The following MGAT4A variants were observed in gnomAD, a reference collection of about 807,000 sequenced individuals.
MGAT4A encodes the protein alpha-1,3-mannosyl-glycoprotein 4-beta-N-acetylglucosaminyltransferase A.
A neutral mutation model predicts 74.1 loss-of-function variants in MGAT4A; 33 were observed. The ratio of observed to expected loss-of-function variants is 0.45; its 90% CI spans 0.34 to 0.60. The LOEUF (loss-of-function observed/expected upper bound fraction) is 0.60. Among genes scored for constraint, MGAT4A ranks in the 20% least tolerant of loss-of-function variants. The pLI is 0.02. For missense variants in MGAT4A, 479 were observed against 628.3 expected (o/e 0.76, Z 2.54); for synonymous variants, 198 against 210.4 (o/e 0.94, Z 0.51).
At chr2:98,627,130 G>C (rs1224398399) in intron 14 of MGAT4A, among the ~76,000 whole-genome samples, 1 of 152,196 alleles carries the variant, frequency 6.6e-6, no homozygotes, top group Non-Finnish European at 1.5e-5. Flanking sequence ...CCACTGCTGG[G>C]ACTATAGTTT....
chr2:98,721,907 A>T (rs1483058547), intron 2 of MGAT4A, among the ~76,000 whole-genome samples: 1 of 152,254 alleles, frequency 6.6e-6, no homozygotes, highest in African/African-American at 2.4e-5. Flanking sequence ...TATTAGTAAT[A>T]GCATTAAGTA....
At chr2:98,661,346 A>G (rs1332402689) in intron 5 of MGAT4A, among the ~76,000 whole-genome samples, 1 of 152,240 alleles carries the variant, frequency 6.6e-6, no homozygotes, top group African/African-American at 2.4e-5. Flanking sequence ...CACTGTATCC[A>G]TATTATCAAG....
intron 2 of MGAT4A, among the ~76,000 whole-genome samples, chr2:98,696,045 C>T (rs553350483): frequency 5.2e-4 from 79 of 151,974 alleles, no homozygotes; most frequent in African/African-American, 1.8e-3. Flanking sequence ...CCATGCCTGC[C>T]TAATTTTTCT....
At chr2:98,716,929 C>A (rs189113713) in intron 2 of MGAT4A, among the ~76,000 whole-genome samples, 1 of 152,238 alleles carries the variant, frequency 6.6e-6, no homozygotes, top group Admixed American at 6.5e-5. Context: ...TGTATATGTT[C>A]AGTACAGACA....
chr2:98,685,309 C>T (rs1363595614), intron 2 of MGAT4A, among the ~76,000 whole-genome samples: 1 of 151,392 alleles, frequency 6.6e-6, no homozygotes, highest in African/African-American at 2.4e-5. Flanking sequence ...CAATTCTTTC[C>T]ACAGATAAAT....
intron 2 of MGAT4A, among the ~76,000 whole-genome samples, chr2:98,705,972 GAAA>G (rs1702423721): frequency 7.6e-6 from 1 of 132,160 alleles, no homozygotes; most frequent in Non-Finnish European, 1.6e-5. Flanking sequence ...AAAAAAAAAA[GAAA>G]ATCAACTAAC....
chr2:98,703,107 T>G (rs559631359), intron 2 of MGAT4A, among the ~76,000 whole-genome samples: 1 of 152,292 alleles, frequency 6.6e-6, no homozygotes, highest in African/African-American at 2.4e-5. Flanking sequence ...TCGAAACAGT[T>G]ACTATAAATA....
At chr2:98,691,806 G>A (rs936106683) in intron 2 of MGAT4A, among the ~76,000 whole-genome samples, 1 of 152,282 alleles carries the variant, frequency 6.6e-6, no homozygotes, top group South Asian at 2.1e-4. Context: ...GTGTGTTACC[G>A]CCCCTGAAGG....
At chr2:98,726,821 G>A (rs1702772084) in intron 1 of MGAT4A, 1 of 153,078 alleles carries the variant, frequency 6.5e-6, no homozygotes, top group South Asian at 2.1e-4. Flanking sequence ...GAAAGTTATG[G>A]TGACTGATTT....
intron 2 of MGAT4A, among the ~76,000 whole-genome samples, chr2:98,702,834 G>A (rs906941832): frequency 2.0e-5 from 3 of 152,286 alleles, no homozygotes; most frequent in African/African-American, 7.2e-5. Context: ...AGATACAGCC[G>A]GAGAGACAGA....
intron 2 of MGAT4A, among the ~76,000 whole-genome samples, chr2:98,693,469 T>C (rs1349770824): frequency 1.3e-5 from 2 of 152,180 alleles, no homozygotes; most frequent in African/African-American, 4.8e-5. Flanking sequence ...TTGTCTGATG[T>C]GGTTCTCAAT....
intron 4 of MGAT4A, among the ~76,000 whole-genome samples, chr2:98,664,200 C>CAAAAAAAAAAAAAAAAA (rs57981145): frequency 1.9e-5 from 1 of 51,444 alleles, no homozygotes; most frequent in Non-Finnish European, 3.6e-5. Context: ...GATTCCATCT[C>CAAAAAAAAAAAAAAAAA]AAAAAAAAAA....
intron 7 of MGAT4A, chr2:98,655,821 A>G (rs1049036955): frequency 3.2e-5 from 7 of 217,868 alleles, no homozygotes; most frequent in South Asian, 3.0e-4. Flanking sequence ...ATATTAATTC[A>G]TAAGAGGCAC....
chr2:98,730,969 A>C (rs1702846509), intron 1 of MGAT4A, 79 bp downstream of exon 1: 12 of 133,112 alleles, frequency 9.0e-5, no homozygotes, highest in East Asian at 4.5e-4. Flanking sequence ...CGCCGCCCCC[A>C]ACTCCCGCGC....
In MGAT4A at chr2:98,656,576, G is replaced by A. The variant is rs1163467711; in HGVS notation, c.585-111C>T. 37 of 675,416 alleles carry A rather than the reference G, an allele frequency of 5.5e-5. No individual in the cohort carries two copies. In the East Asian group the frequency reaches 6.9e-4, roughly 13 times the overall value. The allele number at this position is 675,416 out of a possible 1,614,324, so 41.8% of individuals were successfully genotyped here. On this transcript the variant is annotated intron_variant, in intron 6 of 15. Coordinates refer to ENST00000393487, the MANE Select transcript of MGAT4A (RefSeq NM_012214.3). ...CACATCAGTAATCATTTGTAGCAAC[G>A]TATAATGTTATGGCCGCAAGGTGTT...
intron 12 of MGAT4A, among the ~76,000 whole-genome samples, chr2:98,638,781 T>C (rs1402766391): frequency 3.3e-5 from 5 of 152,256 alleles, no homozygotes; most frequent in African/African-American, 4.8e-5. Flanking sequence ...ATTAGTAACA[T>C]TGTATCACAG....
At chr2:98,721,180 G>A (rs1000158733) in intron 2 of MGAT4A, among the ~76,000 whole-genome samples, 8 of 152,180 alleles carry the variant, frequency 5.3e-5, no homozygotes, top group African/African-American at 1.7e-4. Context: ...AGAATCCTAT[G>A]TCCAGAAAAG....
chr2:98,691,004 G>T (rs534347612), intron 2 of MGAT4A, among the ~76,000 whole-genome samples: 8 of 152,072 alleles, frequency 5.3e-5, no homozygotes, highest in African/African-American at 1.7e-4. Flanking sequence ...TGTAACAAAA[G>T]ATCTGAGATC....
In MGAT4A at chr2:98,637,474, A is replaced by T. The variant is rs1234059940; in HGVS notation, c.1323-879T>A. The stretch of plus-strand genomic sequence containing the variant: ...TTAAAAAAGCATTTGAAGAATGACT[A>T]ATTATCGATATATGGTGACAGATCT... On this transcript the variant is annotated intron_variant, in intron 12 of 15. Coordinates refer to ENST00000393487, the MANE Select transcript of MGAT4A (RefSeq NM_012214.3). Among the ~76,000 whole-genome samples the T allele has an allele frequency of 3.3e-5, 5 of 152,250 alleles. No homozygotes were observed. In the East Asian group the frequency reaches 9.6e-4, roughly 29 times the overall value.
Sources: allele counts gnomAD v4.1 joint callset (sites outside exome capture counted in the v4.1 genomes callset), GRCh38; gene constraint gnomAD v4.1.1; transcripts MANE v1.5; gene names NCBI Gene and HGNC (gene_info 2026-07-23, HGNC 2026-07-21).